EIF4G3: variants seen among roughly 807,000 people sequenced by gnomAD.
EIF4G3 encodes eIF-4-gamma 3.
EIF4G3 carries 34 observed loss-of-function variants against 186.4 expected under a neutral mutation model. The observed-to-expected ratio is 0.18, with a 90% CI of 0.14 to 0.24. The LOEUF (loss-of-function observed/expected upper bound fraction) is 0.24, where lower values mean the gene tolerates loss of function less well. Ranked by LOEUF, EIF4G3 falls within the 10% of genes least tolerant of loss-of-function variation. The pLI is 1.00. For synonymous variants in EIF4G3, 673 were observed against 679.5 expected (o/e 0.99, Z 0.15); for missense variants, 1,536 against 1,948.5 (o/e 0.79, Z 3.99).
intron 2 of EIF4G3, among the ~76,000 whole-genome samples, chr1:21,117,117 GT>G (rs1426543412): frequency 6.6e-6 from 1 of 152,014 alleles, no homozygotes; most frequent in Non-Finnish European, 1.5e-5. Flanking sequence ...TACAAGAAAG[GT>G]GAAGGACAAA....
Position 20,864,499 on chromosome 1 carries a change from C to G in EIF4G3, c.2983G>C (p.Asp995His). 3 of 1,614,130 alleles carry G rather than the reference C, an allele frequency of 1.9e-6. No homozygotes were observed. Among genetic ancestry groups the G allele is most frequent in the Non-Finnish European group, 2.5e-6 (3 of 1,180,004 alleles). ...ACCTTTGCTTTTTCAAAGTCCAAGTCTTTGCCAATGGTGGTGAGCAGGCGA... is the reference window on the plus strand; with the variant it reads ...ACCTTTGCTTTTTCAAAGTCCAAGTGTTTGCCAATGGTGGTGAGCAGGCGA... ...LCRLLTTIGK[D>H]LDFEKAKPRM... The change falls in exon 22 of 37, where the codon GAC becomes CAC. Residue 995 changes from aspartate to histidine, a missense_variant. Transcript: ENST00000602326.
At chr1:20,828,537 T>G (rs933782305) in intron 31 of EIF4G3, among the ~76,000 whole-genome samples, 1 of 152,158 alleles carries the variant, frequency 6.6e-6, no homozygotes, top group African/African-American at 2.4e-5. Flanking sequence ...GTCATAAACT[T>G]TAATATGCTA....
chr1:20,894,307 G>A lies in EIF4G3; in HGVS notation c.2134-671C>T, dbSNP rs569704149. 2.0e-5 allele frequency among the ~76,000 whole-genome samples: 3 copies of A among 152,250 alleles called. No individual in the cohort carries two copies. The South Asian group carries it at 6.2e-4, about 32-fold the overall frequency. ...GGACAGGCAGGAATATTTTCTAAGA[G>A]GATAATTGAATTTGGTGGATATAAC... On this transcript the variant is annotated intron_variant, in intron 17 of 36. Transcript: ENST00000602326.
At chr1:21,080,546 G>A (rs888213212) in intron 3 of EIF4G3, among the ~76,000 whole-genome samples, 1 of 152,008 alleles carries the variant, frequency 6.6e-6, no homozygotes, top group Admixed American at 6.6e-5. Flanking sequence ...GTCTCACTCT[G>A]TTGCCCAGGC....
intron 2 of EIF4G3, among the ~76,000 whole-genome samples, chr1:21,109,201 G>A (rs1033996355): frequency 6.6e-6 from 1 of 152,196 alleles, no homozygotes; most frequent in African/African-American, 2.4e-5. Flanking sequence ...CTGGGCAACT[G>A]AGCAAGACTG....
At chr1:20,955,858 T>C (rs1324516341) in intron 12 of EIF4G3, among the ~76,000 whole-genome samples, 1 of 152,146 alleles carries the variant, frequency 6.6e-6, no homozygotes, top group Non-Finnish European at 1.5e-5. Flanking sequence ...TTGGAAGTCA[T>C]GGGTTTGGTT....
intron 4 of EIF4G3, among the ~76,000 whole-genome samples, chr1:21,034,684 C>T (rs564226251): frequency 9.2e-5 from 14 of 152,334 alleles, no homozygotes; most frequent in Admixed American, 5.2e-4. Context: ...AGGTGGGGTG[C>T]GGCCGCAGGC....
At position 20,909,335 on chromosome 1, in the gene EIF4G3, A is replaced by G. The variant is rs567970847; in HGVS notation, c.1664-4364T>C. Among the ~76,000 whole-genome samples the G allele has an allele frequency of 3.9e-5, 6 of 152,330 alleles. No individual in the cohort carries two copies. The South Asian group carries it at 1.2e-3, about 32-fold the overall frequency. On this transcript the variant is annotated intron_variant, in intron 14 of 36. Coordinates refer to ENST00000602326, the MANE Select transcript of EIF4G3 (RefSeq NM_001391906.1). ...TTTGCAGAAATATCAGCTCTTAAAG[A>G]AACTGCTAATAGTTAAGTCATGGTT...
At chr1:20,825,806 T>C (rs1557801234) in intron 32 of EIF4G3, among the ~76,000 whole-genome samples, 1 of 152,176 alleles carries the variant, frequency 6.6e-6, no homozygotes. Context: ...CAGTTGTTGC[T>C]CCTGAACCAG....
At chr1:20,996,874 C>T (rs1570631396) in intron 7 of EIF4G3, among the ~76,000 whole-genome samples, 1 of 151,938 alleles carries the variant, frequency 6.6e-6, no homozygotes, top group East Asian at 1.9e-4. Context: ...TTCAGAATAC[C>T]CCATAAAAAG....
At chr1:20,814,546 G>A (rs1294689890) in intron 34 of EIF4G3, among the ~76,000 whole-genome samples, 1 of 151,954 alleles carries the variant, frequency 6.6e-6, no homozygotes, top group Non-Finnish European at 1.5e-5. Flanking sequence ...CAACTGCAGT[G>A]TATTTTAATG....
rs147819220 is a variant in EIF4G3, at chr1:20,844,829, T to C, written c.3889-3801A>G. Among the ~76,000 whole-genome samples, 1,065 of 152,142 alleles carry C rather than the reference T, an allele frequency of 7.0e-3. 15 individuals carry two copies. The highest frequency in any genetic ancestry group is 0.024 in the African/African-American group (982 of 41,482). ...CCTGGGCGACAAGAGCAACACTCCA[T>C]CTCAAAAAACAAACAAAAAAAAGAC... On this transcript the variant is annotated intron_variant, in intron 29 of 36. Coordinates refer to ENST00000602326, the MANE Select transcript of EIF4G3 (RefSeq NM_001391906.1).
intron 3 of EIF4G3, among the ~76,000 whole-genome samples, chr1:21,078,722 T>C (rs1446434196): frequency 6.6e-6 from 1 of 152,220 alleles, no homozygotes; most frequent in Non-Finnish European, 1.5e-5. Flanking sequence ...TGGTGGCTCA[T>C]GCCTGTAATC....
At chr1:21,164,154 A>G (rs1573634342) in intron 2 of EIF4G3, among the ~76,000 whole-genome samples, 1 of 152,152 alleles carries the variant, frequency 6.6e-6, no homozygotes, top group African/African-American at 2.4e-5. Flanking sequence ...ACCAATTTTA[A>G]CCTGACAGAA....
chr1:21,109,719 T>C (rs1247432986), intron 2 of EIF4G3, among the ~76,000 whole-genome samples: 3 of 152,166 alleles, frequency 2.0e-5, no homozygotes, highest in Non-Finnish European at 4.4e-5. Context: ...CTAGGAATTA[T>C]TGCTAATTTT....
chr1:20,973,123 T>C (rs1383398523), intron 10 of EIF4G3, 24 bp from the exon 11 acceptor site: 61 of 1,554,786 alleles, frequency 3.9e-5, no homozygotes, highest in Non-Finnish European at 5.3e-5. Context: ...AAAAATTAAA[T>C]AGGCATTCAG....
Position 20,941,806 on chromosome 1 carries a change from G to C in EIF4G3, c.1348C>G (p.Pro450Ala), listed in dbSNP as rs370218455. The change falls in exon 14 of 37, where the codon CCA becomes GCA. Residue 450 changes from proline to alanine, a missense_variant. Transcript: ENST00000602326. ...TLELEILENP[P>A]EEMKLECIPA... ...ATACACTCCAGTTTCATTTCTTCTG[G>C]GGGATTTTCGAGAATCTCCAATTCA... 273 of 1,613,668 alleles carry C rather than the reference G, an allele frequency of 1.7e-4. No homozygotes were observed. The highest frequency in any genetic ancestry group is 2.2e-4 in the Non-Finnish European group (261 of 1,179,850).
At chr1:21,113,084 G>A (rs1015087397) in intron 2 of EIF4G3, among the ~76,000 whole-genome samples, 3 of 139,020 alleles carry the variant, frequency 2.2e-5, no homozygotes, top group South Asian at 4.6e-4. Context: ...CCCAGGAGTC[G>A]AAGCTGCAGT....
chr1:20,921,618 T>C (rs756332205), intron 14 of EIF4G3, among the ~76,000 whole-genome samples: 1 of 152,254 alleles, frequency 6.6e-6, no homozygotes, highest in Non-Finnish European at 1.5e-5. Context: ...CACAGCCATA[T>C]ATGCTAAACT....
Sources: allele counts gnomAD v4.1 joint callset (sites outside exome capture counted in the v4.1 genomes callset), GRCh38; gene constraint gnomAD v4.1.1; transcripts MANE v1.5; gene names NCBI Gene and HGNC (gene_info 2026-07-23, HGNC 2026-07-21).